The following GABRA3 variants were observed in gnomAD, a reference collection of about 807,000 sequenced individuals.
GABRA3 encodes gamma-aminobutyric acid receptor subunit alpha-3.
Under a neutral mutation model 30.1 loss-of-function variants are expected in GABRA3, and 10 were observed. That is an observed-to-expected ratio of 0.33 (90% CI 0.20 to 0.56). The LOEUF is 0.56. GABRA3 is among the 20% of genes least tolerant of loss of function. GABRA3 has a pLI of 0.89. For missense variants in GABRA3, 233 were observed against 392.0 expected (o/e 0.59, Z 3.42); for synonymous variants, 151 against 146.8 (o/e 1.03, Z -0.21).
At chrX:152,429,473 T>C (rs765225906) in intron 1 of GABRA3, among the ~76,000 whole-genome samples, 2 of 111,301 alleles carry the variant, frequency 1.8e-5, no homozygotes, top group South Asian at 3.8e-4. Context: ...CCTACTGCTC[T>C]TGAGGGAAAG....
intron 3 of GABRA3, among the ~76,000 whole-genome samples, chrX:152,345,163 T>C (rs919828495): frequency 9.0e-6 from 1 of 111,110 alleles, no homozygotes; most frequent in African/African-American, 3.3e-5. Context: ...TGGTATTCTG[T>C]TACTAGAAAT....
intron 3 of GABRA3, among the ~76,000 whole-genome samples, chrX:152,339,189 C>T (rs1295477831): frequency 9.1e-6 from 1 of 109,887 alleles, no homozygotes; most frequent in Admixed American, 9.8e-5. Flanking sequence ...ACAAAACAAA[C>T]AAAAACATAA....
At chrX:152,410,354 TAA>T (rs1023374202) in intron 1 of GABRA3, among the ~76,000 whole-genome samples, 1 of 110,225 alleles carries the variant, frequency 9.1e-6, no homozygotes, top group African/African-American at 3.3e-5. Context: ...TATTTTTAAA[TAA>T]AAAAAAGTGA....
chrX:152,261,756 G>A (rs1299448478), intron 4 of GABRA3, among the ~76,000 whole-genome samples: 2 of 111,913 alleles, frequency 1.8e-5, no homozygotes, highest in African/African-American at 6.5e-5. Context: ...CATGGTGCAA[G>A]CTGTCAGTGG....
At chrX:152,251,022 G>C (rs1938544484) in intron 5 of GABRA3, 1 of 261,360 alleles carries the variant, frequency 3.8e-6, no homozygotes, top group South Asian at 4.6e-5. Context: ...GTCACTAGGT[G>C]AATCAATTGT....
intron 9 of GABRA3, among the ~76,000 whole-genome samples, chrX:152,183,145 T>C (rs1392399434): frequency 1.8e-5 from 2 of 109,795 alleles, no homozygotes; most frequent in African/African-American, 6.6e-5. Context: ...TATTAGTTCT[T>C]CTTTAAGTGC....
At chrX:152,416,194 G>A (rs779988245) in intron 1 of GABRA3, among the ~76,000 whole-genome samples, 2 of 96,955 alleles carry the variant, frequency 2.1e-5, no homozygotes, top group East Asian at 3.2e-4. Flanking sequence ...CAAAATCAAT[G>A]TACAAAAATC....
At chrX:152,341,696 C>A (rs1270568978) in intron 3 of GABRA3, among the ~76,000 whole-genome samples, 2 of 107,405 alleles carry the variant, frequency 1.9e-5, no homozygotes, top group Non-Finnish European at 3.9e-5. Context: ...CACACCACTA[C>A]CCCCCGCTAA....
intron 6 of GABRA3, among the ~76,000 whole-genome samples, chrX:152,218,224 T>C (rs896051697): frequency 1.8e-5 from 2 of 110,489 alleles, no homozygotes; most frequent in African/African-American, 6.5e-5. Flanking sequence ...TTTGGATCAT[T>C]GTCTGTTTAG....
At chrX:152,211,417 C>T (rs1438151470) in intron 6 of GABRA3, among the ~76,000 whole-genome samples, 3 of 109,939 alleles carry the variant, frequency 2.7e-5, no homozygotes, top group Admixed American at 2.0e-4. Flanking sequence ...CAAAAAGCAG[C>T]GATTTAATTT....
rs56202504 is a variant in GABRA3 at position 152,212,119 on chromosome X, C to CAA, written c.635-3977_635-3976dup. 4.2e-4 allele frequency among the ~76,000 whole-genome samples: 43 copies of CAA among 103,532 alleles called. No homozygotes were observed. The East Asian group carries it at 0.011, about 26-fold the overall frequency. 89.9% of individuals were successfully genotyped at this position (103,532 alleles called of 115,157 possible). ...GCAACATAGAAGGAAACCGTCTCTG[C>CAA]AAAAAAAATTAAAAATTAGCTGGGC... On this transcript the variant is annotated intron_variant, in intron 6 of 9. Coordinates refer to ENST00000370314, the MANE Select transcript of GABRA3 (RefSeq NM_000808.4).
At chrX:152,322,907 C>T (rs1472330405) in intron 3 of GABRA3, among the ~76,000 whole-genome samples, 2 of 85,889 alleles carry the variant, frequency 2.3e-5, no homozygotes, top group African/African-American at 4.8e-5. Flanking sequence ...GGCTGGAGTG[C>T]AGTGGCGCAA....
At chrX:152,209,308 T>C (rs1321207435) in intron 6 of GABRA3, among the ~76,000 whole-genome samples, 2 of 111,387 alleles carry the variant, frequency 1.8e-5, no homozygotes, top group Non-Finnish European at 1.9e-5. Flanking sequence ...CTTTAGTCAG[T>C]ATATTAAAGA....
chrX:152,392,584 A>G (rs776014539), intron 1 of GABRA3, among the ~76,000 whole-genome samples: 2 of 111,847 alleles, frequency 1.8e-5, no homozygotes, highest in African/African-American at 6.5e-5. Context: ...GAAAATAATC[A>G]TAAGTGGAGA....
chrX:152,367,073 TA>T (rs765940373), intron 1 of GABRA3, among the ~76,000 whole-genome samples: 2 of 111,072 alleles, frequency 1.8e-5, no homozygotes, highest in East Asian at 5.6e-4. Flanking sequence ...CCATGGTGAA[TA>T]AAATGAAAAT....
chrX:152,230,989 G>A (rs1938057413), intron 5 of GABRA3, among the ~76,000 whole-genome samples: 1 of 109,752 alleles, frequency 9.1e-6, no homozygotes, highest in Non-Finnish European at 1.9e-5. Flanking sequence ...CTTGTCAAAA[G>A]ATACCTTTAA....
intron 5 of GABRA3, among the ~76,000 whole-genome samples, chrX:152,252,012 T>C (rs899346407): frequency 3.6e-5 from 4 of 111,315 alleles, no homozygotes; most frequent in African/African-American, 1.3e-4. Flanking sequence ...CGATGTGTTA[T>C]TTCTCCTATA....
At chrX:152,348,509 G>A (rs897398277) in intron 2 of GABRA3, among the ~76,000 whole-genome samples, 1 of 111,472 alleles carries the variant, frequency 9.0e-6, no homozygotes, top group African/African-American at 3.3e-5. Context: ...GCCAAGTTTA[G>A]TCATTTTCCT....
At chrX:152,304,376 G>A (rs1939688133) in intron 3 of GABRA3, among the ~76,000 whole-genome samples, 1 of 111,901 alleles carries the variant, frequency 8.9e-6, no homozygotes, top group Non-Finnish European at 1.9e-5. Context: ...ATTTACCATG[G>A]CTGATGTTGA....
Sources: gnomAD v4.1 joint callset for allele counts (sites outside exome capture counted in the v4.1 genomes callset) on GRCh38, gnomAD v4.1.1 for gene constraint, MANE v1.5 for transcripts, NCBI Gene and HGNC (gene_info 2026-07-23, HGNC 2026-07-21) for gene names.